The following CERKL variants were observed in gnomAD, a reference collection of about 807,000 sequenced individuals.
CERKL encodes the protein CERK like autophagy regulator, also known as ceramide kinase-like protein.
A neutral mutation model predicts 63.4 loss-of-function variants in CERKL; 61 were observed. The ratio of observed to expected loss-of-function variants is 0.96; its 90% confidence interval spans 0.78 to 1.19. The LOEUF is 1.19. CERKL is among the 50% of genes most tolerant of loss of function. The pLI is 0.00. For missense variants in CERKL, 675 were observed against 655.5 expected (o/e 1.03, Z -0.33); for synonymous variants, 250 against 230.5 (o/e 1.08, Z -0.77).
chr2:181,567,855 T>A (rs1688730535), intron 3 of CERKL, among the ~76,000 whole-genome samples: 1 of 152,216 alleles, frequency 6.6e-6, no homozygotes, highest in Non-Finnish European at 1.5e-5. Context: ...AGACAGGCTA[T>A]TGTGGGCCCT....
At position 181,537,077 on chromosome 2, in the gene CERKL, C is replaced by G. The variant is rs1328767852; in HGVS notation, c.*1107G>C. 8.9e-6 allele frequency: 4 copies of G among 447,088 alleles called. No homozygotes were observed. The East Asian group carries it at 2.1e-4, about 23-fold the overall frequency. 27.7% of individuals were successfully genotyped at this position (447,088 alleles called of 1,614,324 possible). ...ATGTAAGCACAAAACCTCCTGAACC[C>G]AGAGTGTGTATACACAGGAATAAAC... On this transcript the variant is annotated 3_prime_UTR_variant, in exon 13 of 13. Coordinates refer to ENST00000410087, the MANE Select transcript of CERKL (RefSeq NM_201548.5).
intron 3 of CERKL, among the ~76,000 whole-genome samples, chr2:181,567,183 G>A (rs892221776): frequency 8.6e-5 from 13 of 152,010 alleles, no homozygotes; most frequent in African/African-American, 3.1e-4. Context: ...CCAATCAGAA[G>A]AAAGCCATAA....
intron 1 of CERKL, among the ~76,000 whole-genome samples, chr2:181,624,565 C>G (rs1004237418): frequency 6.6e-6 from 1 of 152,062 alleles, no homozygotes; most frequent in Non-Finnish European, 1.5e-5. Context: ...ACATGGAGAA[C>G]AGACTGATGG....
chr2:181,622,488 T>C (rs986669798), intron 1 of CERKL, among the ~76,000 whole-genome samples: 3 of 152,312 alleles, frequency 2.0e-5, no homozygotes, highest in African/African-American at 7.2e-5. Flanking sequence ...CCACTATATT[T>C]AAAAGAACAT....
chr2:181,608,874 G>C (rs1685834581), intron 1 of CERKL, among the ~76,000 whole-genome samples: 4 of 152,106 alleles, frequency 2.6e-5, no homozygotes. Context: ...TAAAAAATAT[G>C]CAGTGAGGAA....
intron 3 of CERKL, 91 bp from the exon 4 acceptor site, chr2:181,566,212 C>T: frequency 1.1e-6 from 1 of 922,504 alleles, no homozygotes; most frequent in Non-Finnish European, 1.8e-6. Context: ...ATATGATAAA[C>T]ATATGGTCAA....
intron 1 of CERKL, among the ~76,000 whole-genome samples, chr2:181,652,610 A>G (rs1223446960): frequency 6.6e-6 from 1 of 152,220 alleles, no homozygotes; most frequent in Non-Finnish European, 1.5e-5. Flanking sequence ...AAAAGCATAG[A>G]CAAAATAAGA....
chr2:181,633,062 C>T (rs557570880), intron 1 of CERKL, among the ~76,000 whole-genome samples: 30 of 152,274 alleles, frequency 2.0e-4, no homozygotes, highest in African/African-American at 6.3e-4. Context: ...AGCATAGCCA[C>T]GCTTGGGTTT....
chr2:181,564,337 G>T (rs1022197428), intron 4 of CERKL, among the ~76,000 whole-genome samples: 18 of 152,072 alleles, frequency 1.2e-4, no homozygotes, highest in African/African-American at 3.6e-4. Flanking sequence ...TGAAATTATT[G>T]TAAGTCTGAA....
At chr2:181,650,145 GGAAGGAAGGAAGGAAGGAAA>G (rs1687859506) in intron 1 of CERKL, 2 of 138,546 alleles carry the variant, frequency 1.4e-5, no homozygotes, top group African/African-American at 3.1e-5. Flanking sequence ...AAGGAAGGAA[GGAAGGAAGGAAGGAAGGAAA>G]GAAGGAAGGA....
At chr2:181,611,433 A>C (rs1574497175) in intron 1 of CERKL, among the ~76,000 whole-genome samples, 1 of 151,964 alleles carries the variant, frequency 6.6e-6, no homozygotes, top group Non-Finnish European at 1.5e-5. Context: ...CTGAGGCAGG[A>C]GGATAACTTG....
At chr2:181,609,884 A>G (rs1177374317) in intron 1 of CERKL, among the ~76,000 whole-genome samples, 1 of 152,212 alleles carries the variant, frequency 6.6e-6, no homozygotes, top group African/African-American at 2.4e-5. Flanking sequence ...AGAAATAGCA[A>G]AGGATGATTT....
Position 181,537,977 on chromosome 2 carries a change from A to G in CERKL, c.*207T>C, listed in dbSNP as rs751193083. The G allele has an allele frequency of 4.8e-5, 32 of 663,110 alleles. No individual in the cohort carries two copies. The Admixed American group carries it at 5.2e-4, about 11-fold the overall frequency. The allele number at this position is 663,110 out of a possible 1,614,324, so 41.1% of individuals were successfully genotyped here. On this transcript the variant is annotated 3_prime_UTR_variant, in exon 13 of 13. Coordinates refer to ENST00000410087, the MANE Select transcript of CERKL (RefSeq NM_201548.5). Reference sequence around the variant, plus strand: ...CATATGGTGAACTGGTATGTGAGGGATCTAGAGTGCCATGTTCCTCAAGAG... The same window carrying G: ...CATATGGTGAACTGGTATGTGAGGGGTCTAGAGTGCCATGTTCCTCAAGAG...
intron 3 of CERKL, among the ~76,000 whole-genome samples, chr2:181,567,193 AT>A (rs1447067325): frequency 6.6e-6 from 1 of 152,158 alleles, no homozygotes; most frequent in African/African-American, 2.4e-5. Context: ...GAAAGCCATA[AT>A]AAAACTACAT....
At chr2:181,571,933 C>T (rs369091623) in intron 3 of CERKL, among the ~76,000 whole-genome samples, 1 of 152,084 alleles carries the variant, frequency 6.6e-6, no homozygotes, top group African/African-American at 2.4e-5. Flanking sequence ...ATATGCACAC[C>T]TCTCCCCATC....
At chr2:181,575,266 C>T (rs964755698) in intron 2 of CERKL, among the ~76,000 whole-genome samples, 5 of 152,166 alleles carry the variant, frequency 3.3e-5, no homozygotes, top group Non-Finnish European at 5.9e-5. Context: ...GCCTGAAGAG[C>T]GAGCCCAAAC....
chr2:181,634,782 G>C (rs1687103838), intron 1 of CERKL, among the ~76,000 whole-genome samples: 1 of 152,110 alleles, frequency 6.6e-6, no homozygotes, highest in Non-Finnish European at 1.5e-5. Flanking sequence ...ATTTCAACCT[G>C]ATGTCCTATA....
At chr2:181,648,365 C>G (rs1483643977) in intron 1 of CERKL, among the ~76,000 whole-genome samples, 2 of 151,850 alleles carry the variant, frequency 1.3e-5, no homozygotes, top group Non-Finnish European at 2.9e-5. Flanking sequence ...CTGATGTATG[C>G]CAGGAGAGAA....
intron 1 of CERKL, among the ~76,000 whole-genome samples, chr2:181,639,089 A>C (rs1687310102): frequency 6.6e-6 from 1 of 152,232 alleles, no homozygotes; most frequent in African/African-American, 2.4e-5. Flanking sequence ...AAAAATAGAG[A>C]AAATATCAGG....
Sources: gnomAD v4.1 joint callset for allele counts (sites outside exome capture counted in the v4.1 genomes callset) on GRCh38, gnomAD v4.1.1 for gene constraint, MANE v1.5 for transcripts, NCBI Gene and HGNC (gene_info 2026-07-23, HGNC 2026-07-21) for gene names.